PLK4: variants seen among roughly 807,000 people sequenced by gnomAD.
PLK4 encodes serine/threonine-protein kinase PLK4.
A neutral mutation model predicts 103.0 loss-of-function variants in PLK4; 51 were observed. That is an observed-to-expected ratio of 0.50 (90% confidence interval 0.40 to 0.63). The LOEUF is 0.63. Ranked by LOEUF, PLK4 falls within the 20% of genes least tolerant of loss-of-function variation. The pLI is 0.00. For synonymous variants in PLK4, 389 were observed against 376.8 expected (o/e 1.03, Z -0.38); for missense variants, 1,054 against 1,151.0 (o/e 0.92, Z 1.22).
Position 127,898,599 on chromosome 4 carries a change from T to A in PLK4, c.*58T>A. 2.4e-6 allele frequency: 2 copies of A among 823,318 alleles called. No individual in the cohort carries two copies. Among genetic ancestry groups the A allele is most frequent in the Non-Finnish European group, 2.0e-6 (1 of 496,494 alleles). The allele number at this position is 823,318 out of a possible 1,614,324, so 51.0% of individuals were successfully genotyped here. Reference sequence around the variant, plus strand: ...AATAACTTTTTTGTTGACTTTCAAGTAAAGTGATTTTTTTTAATTTAACAT... The same window carrying A: ...AATAACTTTTTTGTTGACTTTCAAGAAAAGTGATTTTTTTTAATTTAACAT... On this transcript the variant is annotated 3_prime_UTR_variant, in exon 16 of 16. Transcript: ENST00000270861.
chr4:127,891,757 TAATA>T, intron 9 of PLK4, 76 bp downstream of exon 9: 1 of 442,432 alleles, frequency 2.3e-6, no homozygotes, highest in Non-Finnish European at 4.0e-6. Flanking sequence ...TATATAGATA[TAATA>T]AATTATAAAT....
At chr4:127,887,957 G>C (rs1228435516) in intron 6 of PLK4, among the ~76,000 whole-genome samples, 1 of 150,452 alleles carries the variant, frequency 6.6e-6, no homozygotes, top group Non-Finnish European at 1.5e-5. Flanking sequence ...AGCCAGGCAG[G>C]TAACTTGAGG....
Position 127,886,459 on chromosome 4 carries a change from T to C in PLK4, c.1089T>C (p.Asp363=). Residue 363 remains aspartate (D), a synonymous_variant, in exon 5 of 16, where the codon GAT becomes GAC. Transcript: ENST00000270861. Reference sequence around the variant, plus strand: ...GTGGAAGGGGAAGAGTAATTCAAGATGCAGAAGAAAGGCCACATTCTCGAT... The same window carrying C: ...GTGGAAGGGGAAGAGTAATTCAAGACGCAGAAGAAAGGCCACATTCTCGAT... The part of the protein sequence containing the change: ...SNSGRGRVIQ[D]AEERPHSRYL... 1 of 1,614,126 alleles carries C rather than the reference T, an allele frequency of 6.2e-7. No homozygotes were observed. The highest frequency in any genetic ancestry group is 8.5e-7 in the Non-Finnish European group (1 of 1,179,976).
Position 127,886,410 on chromosome 4 carries a change from G to C in PLK4, c.1040G>C (p.Trp347Ser), listed in dbSNP as rs1299805502. The change falls in exon 5 of 16, where the codon TGG becomes TCG. Residue 347 changes from tryptophan (W) to serine (S), a missense_variant. By Grantham distance (177) the Trp-to-Ser change is radical. Transcript: ENST00000270861. Reference protein sequence around the residue: ...SGDGNSFYTQWGNQETSNSGR... With the variant: ...SGDGNSFYTQSGNQETSNSGR... The stretch of plus-strand genomic sequence containing the variant: ...GATGGAAACAGTTTTTATACTCAGT[G>C]GGGAAATCAAGAAACCAGTAATAGT... 6.2e-7 allele frequency: 1 copy of C among 1,613,960 alleles called. No individual in the cohort carries two copies. Among genetic ancestry groups the C allele is most frequent in the East Asian group, 2.2e-5 (1 of 44,870 alleles).
chr4:127,894,429 C>G (rs937128313), intron 13 of PLK4, among the ~76,000 whole-genome samples: 2 of 151,974 alleles, frequency 1.3e-5, no homozygotes, highest in Non-Finnish European at 2.9e-5. Context: ...GGGGTTTCAC[C>G]ATGTTAGCCA....
In PLK4 at chr4:127,891,700, G is replaced by A. The variant is rs569105353; in HGVS notation, c.2038+19G>A. On this transcript the variant is annotated intron_variant, in intron 9 of 15. Transcript: ENST00000270861. The stretch of plus-strand genomic sequence containing the variant: ...TTACCAGGTATGTGAATTTACCAGG[G>A]AATAAATTTTGATAGTAGATTTATA... 2.8e-6 allele frequency: 3 copies of A among 1,052,710 alleles called. No individual in the cohort carries two copies. In the East Asian group the frequency reaches 7.9e-5, roughly 28 times the overall value. The allele number at this position is 1,052,710 out of a possible 1,614,324, so 65.2% of individuals were successfully genotyped here.
chr4:127,881,883 G>A lies in PLK4; in HGVS notation c.83G>A (p.Arg28Lys). 6.2e-7 allele frequency: 1 copy of A among 1,610,054 alleles called. No individual in the cohort carries two copies. The highest frequency in any genetic ancestry group is 8.5e-7 in the Non-Finnish European group (1 of 1,176,364). ...AAAGGATCATTTGCTGGTGTCTACAGAGCTGAGTCCATTCACACTGGTTTG... is the reference window on the plus strand; with the variant it reads ...AAAGGATCATTTGCTGGTGTCTACAAAGCTGAGTCCATTCACACTGGTTTG... ...LGKGSFAGVY[R>K]AESIHTGLEV... Residue 28 changes from arginine to lysine, a missense_variant, in exon 2 of 16, where the codon AGA (arginine) becomes AAA (lysine). Arg to Lys is a conservative substitution (Grantham distance 26). Coordinates refer to ENST00000270861, the MANE Select transcript of PLK4 (RefSeq NM_014264.5).
At chr4:127,895,162 A>C in intron 14 of PLK4, 69 bp downstream of exon 14, 1 of 1,042,118 alleles carries the variant, frequency 9.6e-7, no homozygotes, top group Non-Finnish European at 1.3e-6. Flanking sequence ...TGATAAGACA[A>C]TTACCAAAAA....
rs780548157 is a variant in PLK4 at position 127,886,329 on chromosome 4, A to G, written c.959A>G (p.Asn320Ser). Residue 320 changes from asparagine to serine, a missense_variant, in exon 5 of 16, where the codon AAT (asparagine) becomes AGT (serine). Asn to Ser is a conservative substitution (Grantham distance 46). Around this residue, in one of 4 missense-constraint regions of PLK4, gnomAD observed 680 missense variants for 660.3 expected, o/e 1.03. Coordinates refer to ENST00000270861, the MANE Select transcript of PLK4 (RefSeq NM_014264.5). Reference protein sequence around the residue: ...RRLLIGQPLPNKMTVFPKNKS... With the variant: ...RRLLIGQPLPSKMTVFPKNKS... ...CTTTTGATTGGTCAGCCACTCCCAA[A>G]TAAAATGACTGTATTTCCAAAGAAT... 3 of 1,613,696 alleles carry G rather than the reference A, an allele frequency of 1.9e-6. No individual in the cohort carries two copies. The African/African-American group carries it at 4.0e-5, about 22-fold the overall frequency.
intron 13 of PLK4, among the ~76,000 whole-genome samples, chr4:127,894,140 G>C (rs958076107): frequency 1.3e-5 from 2 of 152,070 alleles, no homozygotes; most frequent in African/African-American, 4.8e-5. Context: ...ATATGTGTAA[G>C]TCTTATTTTT....
At chr4:127,897,019 G>A (rs1015904081) in intron 15 of PLK4, 112 bp downstream of exon 15, 11 of 610,618 alleles carry the variant, frequency 1.8e-5, no homozygotes, top group South Asian at 4.0e-5. Context: ...GACAATGATC[G>A]TGTGATTCTT....
At chr4:127,883,895 C>T (rs1366866066) in intron 4 of PLK4, among the ~76,000 whole-genome samples, 1 of 152,030 alleles carries the variant, frequency 6.6e-6, no homozygotes, top group Non-Finnish European at 1.5e-5. Flanking sequence ...CATAAATAGC[C>T]ATTGAAACTG....
Position 127,881,022 on chromosome 4 carries a change from T to C in PLK4, c.-113T>C, listed in dbSNP as rs1348455833. ...TCAGCGTCGTCGCCTGGAGCGGCGG[T>C]TTAGAGAGCCGAGCCTGATGGGCGC... On this transcript the variant is annotated 5_prime_UTR_variant, in exon 1 of 16. Transcript: ENST00000270861. 6 of 1,241,744 alleles carry C rather than the reference T, an allele frequency of 4.8e-6. No individual in the cohort carries two copies. The highest frequency in any genetic ancestry group is 4.4e-5 in the African/African-American group (3 of 67,544). The allele number at this position is 1,241,744 out of a possible 1,614,324, so 76.9% of individuals were successfully genotyped here.
At position 127,895,800 on chromosome 4, in the gene PLK4, G is replaced by A. The variant is rs555589192; in HGVS notation, c.2703+707G>A. ...ATGTGAAAGCCAGGTGTGATGTCACGTGCCTATAGTCCCAGTTACTCAAGA... is the reference window on the plus strand; with the variant it reads ...ATGTGAAAGCCAGGTGTGATGTCACATGCCTATAGTCCCAGTTACTCAAGA... On this transcript the variant is annotated intron_variant, in intron 14 of 15. Transcript: ENST00000270861. 1.9e-3 allele frequency among the ~76,000 whole-genome samples: 290 copies of A among 152,226 alleles called. 2 individuals are homozygous for A. Among genetic ancestry groups the A allele is most frequent in the African/African-American group, 6.4e-3 (266 of 41,556 alleles).
chr4:127,883,254 A>G lies in PLK4; in HGVS notation c.127-8A>G. 6.9e-7 allele frequency: 1 copy of G among 1,440,832 alleles called. No individual in the cohort carries two copies. The highest frequency in any genetic ancestry group is 9.6e-7 in the Non-Finnish European group (1 of 1,038,254). 89.3% of individuals were successfully genotyped at this position (1,440,832 alleles called of 1,614,324 possible). On this transcript the variant is annotated splice_region_variant and splice_polypyrimidine_tract_variant and intron_variant, in intron 2 of 15. Transcript: ENST00000270861. ...AAGTCTGTCAACATTTAAACCTGTT[A>G]TTTTTAGATAGATAAGAAAGCCATG...
At chr4:127,894,907 T>C in intron 13 of PLK4, 46 bp from the exon 14 acceptor site, 4 of 1,325,432 alleles carry the variant, frequency 3.0e-6, no homozygotes, top group East Asian at 2.7e-5. Flanking sequence ...ATGTGGCTTA[T>C]AAAAATGCTG....
chr4:127,883,423 C>T lies in PLK4; in HGVS notation c.223-16C>T, dbSNP rs371760831. The T allele has an allele frequency of 6.2e-5, 87 of 1,392,222 alleles. No individual in the cohort carries two copies. The African/African-American group carries it at 1.0e-3, about 16-fold the overall frequency. 86.2% of individuals were successfully genotyped at this position (1,392,222 alleles called of 1,614,324 possible). On this transcript the variant is annotated splice_polypyrimidine_tract_variant and intron_variant, in intron 3 of 15. Coordinates refer to ENST00000270861, the MANE Select transcript of PLK4 (RefSeq NM_014264.5). ...TTTTTGTATATTTTAATTTATTATG[C>T]CCTTTCACATTTCAGCTTTATAACT...
Position 127,881,907 on chromosome 4 carries a change from T to C in PLK4, c.107T>C (p.Leu36Ser). 6.3e-7 allele frequency: 1 copy of C among 1,594,138 alleles called. No homozygotes were observed. The highest frequency in any genetic ancestry group is 8.6e-7 in the Non-Finnish European group (1 of 1,161,660). Residue 36 changes from leucine (L) to serine (S), a missense_variant, in exon 2 of 16, where the codon TTG becomes TCG. By Grantham distance (145) the Leu-to-Ser change is moderately radical (BLOSUM62 -2). This residue lies in a region of PLK4 where 199 missense variants were observed against 270.1 expected (regional missense o/e 0.74). Coordinates refer to ENST00000270861, the MANE Select transcript of PLK4 (RefSeq NM_014264.5). ...AGAGCTGAGTCCATTCACACTGGTTTGGAAGTTGCAATCAAAATGGTAAGA... is the reference window on the plus strand; with the variant it reads ...AGAGCTGAGTCCATTCACACTGGTTCGGAAGTTGCAATCAAAATGGTAAGA... Reference protein sequence around the residue: ...VYRAESIHTGLEVAIKMIDKK... With the variant: ...VYRAESIHTGSEVAIKMIDKK...
Position 127,891,170 on chromosome 4 carries a change from C to T in PLK4, c.1909C>T (p.Leu637Phe). The T allele has an allele frequency of 4.5e-6, 7 of 1,556,746 alleles. No homozygotes were observed. The highest frequency in any genetic ancestry group is 5.3e-6 in the Non-Finnish European group (6 of 1,134,154). The stretch of plus-strand genomic sequence containing the variant: ...ATCTCAAGAATATGTGAAAGAAGTT[C>T]TTCAGATATCTAGTGATGGAAATAC... ...YASQEYVKEV[L>F]QISSDGNTIT... is the part of the protein sequence containing the mutation. The change falls in exon 8 of 16, where the codon CTT becomes TTT. Residue 637 changes from leucine to phenylalanine, a missense_variant. This residue lies in a region of PLK4 where 680 missense variants were observed against 660.3 expected (regional missense o/e 1.03). Coordinates refer to ENST00000270861, the MANE Select transcript of PLK4 (RefSeq NM_014264.5).
Sources: gnomAD v4.1 joint callset for allele counts (sites outside exome capture counted in the v4.1 genomes callset) on GRCh38, gnomAD v4.1.1 for gene constraint, gnomAD v4.1.1 regional missense constraint, MANE v1.5 for transcripts, NCBI Gene and HGNC (gene_info 2026-07-23, HGNC 2026-07-21) for gene names.